The following CSMD1 variants were observed in gnomAD, a reference collection of about 807,000 sequenced individuals.
The protein encoded by CSMD1 is CUB and Sushi multiple domains 1.
Under a neutral mutation model 417.5 loss-of-function variants are expected in CSMD1, and 213 were observed. That is an observed-to-expected ratio of 0.51 (90% CI 0.46 to 0.57). CSMD1 has a LOEUF of 0.57. Among genes scored for constraint, CSMD1 ranks in the 20% least tolerant of loss-of-function variants. CSMD1 has a pLI of 0.00. For synonymous variants in CSMD1, 2,862 were observed against 1,736.8 expected (o/e 1.65, Z -16.11); for missense variants, 6,923 against 4,529.7 (o/e 1.53, Z -15.17).
At chr8:2,948,835 A>G (rs1802427195) in intron 68 of CSMD1, among the ~76,000 whole-genome samples, 1 of 152,120 alleles carries the variant, frequency 6.6e-6, no homozygotes, top group Non-Finnish European at 1.5e-5. Context: ...CCTGCTATCA[A>G]CCCCAAACCA....
intron 12 of CSMD1, among the ~76,000 whole-genome samples, chr8:3,454,742 T>C (rs1188981024): frequency 6.6e-6 from 1 of 152,180 alleles, no homozygotes; most frequent in East Asian, 1.9e-4. Flanking sequence ...GCCTGCCCTT[T>C]AAATTTTTTC....
intron 5 of CSMD1, among the ~76,000 whole-genome samples, chr8:3,902,152 A>G (rs961863671): frequency 1.3e-5 from 2 of 152,174 alleles, no homozygotes; most frequent in African/African-American, 4.8e-5. Context: ...ATCTTCAAGC[A>G]CTGTAGCAAC....
At chr8:3,436,072 C>A (rs1814539698) in intron 12 of CSMD1, among the ~76,000 whole-genome samples, 1 of 152,184 alleles carries the variant, frequency 6.6e-6, no homozygotes, top group South Asian at 2.1e-4. Flanking sequence ...GAGACTCACA[C>A]TGCTGGTTCC....
At chr8:4,380,735 C>T (rs573689158) in intron 3 of CSMD1, among the ~76,000 whole-genome samples, 241 of 152,294 alleles carry the variant, frequency 1.6e-3, no homozygotes, top group African/African-American at 5.5e-3. Flanking sequence ...GGGAGCACTT[C>T]ATACTGTCCT....
At chr8:4,145,338 T>A (rs1038679502) in intron 3 of CSMD1, among the ~76,000 whole-genome samples, 2 of 151,084 alleles carry the variant, frequency 1.3e-5, no homozygotes, top group African/African-American at 5.0e-5. Flanking sequence ...AAAAAAATGA[T>A]CCAATATGTC....
intron 3 of CSMD1, among the ~76,000 whole-genome samples, chr8:4,110,990 C>G (rs776340488): frequency 6.6e-6 from 1 of 152,098 alleles, no homozygotes; most frequent in Non-Finnish European, 1.5e-5. Context: ...TGAGCTGGAA[C>G]AAGCTCACTA....
chr8:4,154,127 C>G (rs912635307), intron 3 of CSMD1, among the ~76,000 whole-genome samples: 2 of 152,076 alleles, frequency 1.3e-5, no homozygotes, highest in Middle Eastern at 3.2e-3. Context: ...TCACAATCTG[C>G]GACAGCTGAG....
chr8:3,647,475 A>T (rs1382877215), intron 7 of CSMD1, among the ~76,000 whole-genome samples: 1 of 152,252 alleles, frequency 6.6e-6, no homozygotes, highest in East Asian at 1.9e-4. Flanking sequence ...AAAATACAGC[A>T]TAAAAAGAAA....
At chr8:3,499,996 C>T (rs6558785) in intron 10 of CSMD1, among the ~76,000 whole-genome samples, 10 of 151,808 alleles carry the variant, frequency 6.6e-5, no homozygotes, top group Non-Finnish European at 1.5e-4. Flanking sequence ...GCCTATGAGG[C>T]CTGTGGGGGC....
intron 1 of CSMD1, among the ~76,000 whole-genome samples, chr8:4,808,226 G>C (rs536825817): frequency 1.5e-4 from 23 of 152,320 alleles, no homozygotes; most frequent in African/African-American, 5.3e-4. Context: ...CAGCGGTATA[G>C]GGTTGCTGCA....
chr8:3,475,753 T>A (rs912229787), intron 11 of CSMD1, among the ~76,000 whole-genome samples: 1 of 152,240 alleles, frequency 6.6e-6, no homozygotes, highest in Non-Finnish European at 1.5e-5. Flanking sequence ...TTCAAGTATG[T>A]GAAGCGGTTA....
At chr8:3,306,034 C>T (rs1023498048) in intron 25 of CSMD1, among the ~76,000 whole-genome samples, 7 of 152,148 alleles carry the variant, frequency 4.6e-5, no homozygotes, top group Admixed American at 4.6e-4. Flanking sequence ...AAGATGTTTG[C>T]ATTCTAGATA....
chr8:4,190,067 G>A (rs528323151), intron 3 of CSMD1, among the ~76,000 whole-genome samples: 9 of 151,800 alleles, frequency 5.9e-5, no homozygotes, highest in East Asian at 1.9e-4. Context: ...GACCATCCTG[G>A]CTAACATGGT....
At chr8:4,551,537 G>A (rs1388449225) in intron 2 of CSMD1, among the ~76,000 whole-genome samples, 1 of 152,108 alleles carries the variant, frequency 6.6e-6, no homozygotes, top group Non-Finnish European at 1.5e-5. Context: ...CATCCCTATG[G>A]TCTTCCCTGG....
At chr8:4,122,704 C>T (rs1802553952) in intron 3 of CSMD1, among the ~76,000 whole-genome samples, 1 of 152,152 alleles carries the variant, frequency 6.6e-6, no homozygotes, top group Non-Finnish European at 1.5e-5. Context: ...TGGCTAAATG[C>T]TGTAACCCAG....
intron 7 of CSMD1, among the ~76,000 whole-genome samples, chr8:3,690,833 G>A (rs940066486): frequency 6.6e-6 from 1 of 152,072 alleles, no homozygotes; most frequent in Non-Finnish European, 1.5e-5. Context: ...GCAAAATTGA[G>A]GTTCTTTGAA....
At chr8:4,890,793 C>T (rs984832689) in intron 1 of CSMD1, among the ~76,000 whole-genome samples, 2 of 152,008 alleles carry the variant, frequency 1.3e-5, no homozygotes, top group East Asian at 1.9e-4. Flanking sequence ...CGACCTAATA[C>T]ATTCCGGTTA....
intron 26 of CSMD1, among the ~76,000 whole-genome samples, chr8:3,282,122 C>G (rs1299120226): frequency 6.6e-6 from 1 of 152,144 alleles, no homozygotes; most frequent in Non-Finnish European, 1.5e-5. Context: ...TACCCAGTCT[C>G]AGATAGTTCT....
chr8:4,397,962 C>A (rs988180023), intron 3 of CSMD1, among the ~76,000 whole-genome samples: 5 of 152,166 alleles, frequency 3.3e-5, no homozygotes, highest in Admixed American at 6.5e-5. Context: ...TTGTCATACA[C>A]CTGCTACTGA....
Sources: allele counts gnomAD v4.1 joint callset (sites outside exome capture counted in the v4.1 genomes callset), GRCh38; gene constraint gnomAD v4.1.1; transcripts MANE v1.5; gene names NCBI Gene and HGNC (gene_info 2026-07-23, HGNC 2026-07-21).